Variants in HMGXB3 observed in about 807,000 individuals in gnomAD.
HMGXB3 encodes the protein HMG-box containing 3.
Under a neutral mutation model 121.5 loss-of-function variants are expected in HMGXB3, and 45 were observed. That is an observed-to-expected ratio of 0.37 (90% CI 0.29 to 0.47). HMGXB3 has a LOEUF of 0.47. Ranked by LOEUF, HMGXB3 falls within the 20% of genes least tolerant of loss-of-function variation. The probability of loss-of-function intolerance (pLI) is 0.99; values close to 1 mark genes in which losing one functional copy is unlikely to be tolerated. For missense variants in HMGXB3, 1,376 were observed against 1,602.2 expected (o/e 0.86, Z 2.41); for synonymous variants, 590 against 624.1 (o/e 0.95, Z 0.81).
chr5:150,051,749 G>A lies in HMGXB3; in HGVS notation c.3436G>A (p.Asp1146Asn). 6.5e-7 allele frequency: 1 copy of A among 1,532,996 alleles called. No homozygotes were observed. The highest frequency in any genetic ancestry group is 1.2e-5 in the South Asian group (1 of 83,764). The allele number at this position is 1,532,996 out of a possible 1,614,324, so 95.0% of individuals were successfully genotyped here. The change falls in exon 20 of 20, where the codon GAC becomes AAC. Residue 1146 changes from aspartate to asparagine, a missense_variant. Asp to Asn is a conservative substitution (Grantham distance 23). This residue lies in a region of HMGXB3 where 260 missense variants were observed against 233.2 expected (regional missense o/e 1.11). Transcript: ENST00000502717. ...PVSVSCPELLDQHYTVDMTET... is the reference protein window; with the variant it reads ...PVSVSCPELLNQHYTVDMTET... The stretch of plus-strand genomic sequence containing the variant: ...GAGTGTGTCCTGCCCAGAGCTCTTG[G>A]ACCAGCATTATACTGTGGACATGAC...
Position 150,035,382 on chromosome 5 carries a change from T to C in HMGXB3, c.1984-1254T>C, listed in dbSNP as rs141133024. 9.2e-5 allele frequency among the ~76,000 whole-genome samples: 14 copies of C among 152,296 alleles called. No individual in the cohort carries two copies. In the East Asian group the frequency reaches 1.7e-3, roughly 19 times the overall value. The stretch of plus-strand genomic sequence containing the variant: ...CACCTCCCTTGCTCCTGCCCCACGA[T>C]AATCTACTCATGAGGGATCTGCCCC... On this transcript the variant is annotated intron_variant, in intron 11 of 19. Coordinates refer to ENST00000502717, the MANE Select transcript of HMGXB3 (RefSeq NM_014983.3).
At chr5:150,043,599 T>A (rs1309696688) in intron 15 of HMGXB3, among the ~76,000 whole-genome samples, 1 of 152,258 alleles carries the variant, frequency 6.6e-6, no homozygotes, top group Non-Finnish European at 1.5e-5. Flanking sequence ...TGTTATCTCA[T>A]CTAGAGGCTG....
In HMGXB3 at chr5:150,041,796, A is replaced by T; in HGVS notation, c.2557A>T (p.Thr853Ser). Residue 853 changes from threonine to serine, a missense_variant, in exon 15 of 20, where the codon ACC becomes TCC. Around this residue, in one of 2 missense-constraint regions of HMGXB3, gnomAD observed 1,116 missense variants for 1,369.0 expected, o/e 0.82. Transcript: ENST00000502717. ...TGCTCTTCTTTCAGAGAAGACTCTG[A>T]CCTCGGAGGAGCTGAGCCAGCTGCA... is the stretch of plus-strand genomic sequence containing the variant. ...SVQEQTEKTL[T>S]SEELSQLQEL... 1.3e-6 allele frequency: 2 copies of T among 1,551,182 alleles called. No individual in the cohort carries two copies. The highest frequency in any genetic ancestry group is 1.7e-6 in the Non-Finnish European group (2 of 1,146,738).
chr5:150,051,102 C>T (rs906571268), intron 19 of HMGXB3, among the ~76,000 whole-genome samples: 6 of 152,182 alleles, frequency 3.9e-5, no homozygotes, highest in Admixed American at 3.3e-4. Context: ...GAAGCTAAGG[C>T]CCAGAGGAGG....
chr5:150,007,981 G>A (rs922335141), intron 3 of HMGXB3, among the ~76,000 whole-genome samples: 2 of 151,774 alleles, frequency 1.3e-5, no homozygotes, highest in African/African-American at 4.8e-5. Flanking sequence ...CACTTGAGCC[G>A]GGGAAGTGGA....
chr5:150,045,054 T>C (rs1756724654), intron 15 of HMGXB3, among the ~76,000 whole-genome samples: 1 of 152,214 alleles, frequency 6.6e-6, no homozygotes, highest in African/African-American at 2.4e-5. Flanking sequence ...GAACTAGACC[T>C]GTGTTGACGT....
At chr5:150,004,786 C>G in intron 1 of HMGXB3, 65 bp from the exon 2 acceptor site, 1 of 1,122,804 alleles carries the variant, frequency 8.9e-7, no homozygotes, top group Non-Finnish European at 1.3e-6. Flanking sequence ...GTTATTTGAT[C>G]AGGAAGCTGC....
At position 150,052,468 on chromosome 5, in the gene HMGXB3, G is replaced by A; in HGVS notation, c.*276G>A. ...ATGTTTAATGGAGGGGAGGCTGAGG[G>A]AAAGGCTCGTAGCTGGTGGGTTCCG... On this transcript the variant is annotated 3_prime_UTR_variant, in exon 20 of 20. Transcript: ENST00000502717. The A allele has an allele frequency of 2.3e-6, 1 of 434,864 alleles. No homozygotes were observed. Among genetic ancestry groups the A allele is most frequent in the Non-Finnish European group, 4.2e-6 (1 of 239,098 alleles). 26.9% of individuals were successfully genotyped at this position (434,864 alleles called of 1,614,324 possible).
Position 150,052,205 on chromosome 5 carries a change from T to C in HMGXB3, c.*13T>C, listed in dbSNP as rs1424028392. The C allele has an allele frequency of 2.4e-5, 36 of 1,515,866 alleles. No homozygotes were observed. The highest frequency in any genetic ancestry group is 5.9e-5 in the Admixed American group (3 of 50,628). The allele number at this position is 1,515,866 out of a possible 1,614,324, so 93.9% of individuals were successfully genotyped here. A position where few individuals can be genotyped will look rare whatever the true frequency, so the allele number is the denominator to read the frequency against. ...AGTGGCAGAATAAGCCAGGCTGTTG[T>C]ACAGGGACTACACCATCTCTCAAGC... is the stretch of plus-strand genomic sequence containing the variant. On this transcript the variant is annotated 3_prime_UTR_variant, in exon 20 of 20. Coordinates refer to ENST00000502717, the MANE Select transcript of HMGXB3 (RefSeq NM_014983.3).
chr5:150,013,475 G>GCAAAA (rs1360438513), intron 5 of HMGXB3, among the ~76,000 whole-genome samples: 14 of 152,166 alleles, frequency 9.2e-5, no homozygotes, highest in Admixed American at 2.0e-4. Context: ...GATTTCATTT[G>GCAAAA]CTAAAAAGTT....
chr5:150,042,556 G>A (rs1049679328), intron 15 of HMGXB3, among the ~76,000 whole-genome samples: 1 of 141,758 alleles, frequency 7.1e-6, no homozygotes, highest in African/African-American at 2.5e-5. Flanking sequence ...GGCTTGCTGG[G>A]TATGATTGAG....
rs1343512251 is a variant in HMGXB3, at chr5:150,051,982, C to T, written c.3669C>T (p.Asp1223=). Residue 1223 remains aspartate (D), a synonymous_variant, in exon 20 of 20, where the codon GAC becomes GAT. Transcript: ENST00000502717. ...TCCGCCAGCGGCCCATTGCCTTCGA[C>T]AATGCCACTCACTATTACCTCTACA... ...NGVRQRPIAF[D]NATHYYLYNR... The T allele has an allele frequency of 6.4e-7, 1 of 1,552,124 alleles. No individual in the cohort carries two copies. The highest frequency in any genetic ancestry group is 8.7e-7 in the Non-Finnish European group (1 of 1,147,120).
At chr5:150,022,210 T>C (rs545732786) in intron 6 of HMGXB3, among the ~76,000 whole-genome samples, 34 of 152,356 alleles carry the variant, frequency 2.2e-4, no homozygotes, top group African/African-American at 8.2e-4. Flanking sequence ...TAATAAGATT[T>C]CTTGAATTCT....
intron 11 of HMGXB3, among the ~76,000 whole-genome samples, chr5:150,034,237 AT>A (rs1380353322): frequency 1.3e-5 from 2 of 152,176 alleles, no homozygotes; most frequent in African/African-American, 2.4e-5. Context: ...TCTTCTTGCC[AT>A]AGCATTGATC....
chr5:150,032,484 G>C lies in HMGXB3; in HGVS notation c.1864G>C (p.Gly622Arg). 6.4e-7 allele frequency: 1 copy of C among 1,551,660 alleles called. No individual in the cohort carries two copies. Among genetic ancestry groups the C allele is most frequent in the Non-Finnish European group, 8.7e-7 (1 of 1,146,954 alleles). Residue 622 changes from glycine (G) to arginine (R), a missense_variant, in exon 11 of 20, where the codon GGA becomes CGA. Around this residue, in one of 2 missense-constraint regions of HMGXB3, gnomAD observed 1,116 missense variants for 1,369.0 expected, o/e 0.82. Transcript: ENST00000502717. ...GGGCCTGGCTACATCAAGAGGCCGG[G>C]GAAAGTGCAAGAATCCCTCTTGTAG... ...DLGLATSRGR[G>R]KCKNPSCSYV...
chr5:150,033,894 G>C (rs1756439463), intron 11 of HMGXB3, among the ~76,000 whole-genome samples: 1 of 152,130 alleles, frequency 6.6e-6, no homozygotes, highest in South Asian at 2.1e-4. Context: ...GTCCTTGTGA[G>C]AAAGGAAAGT....
At chr5:150,018,103 G>A (rs1756000204) in intron 5 of HMGXB3, among the ~76,000 whole-genome samples, 2 of 152,176 alleles carry the variant, frequency 1.3e-5, no homozygotes, top group Admixed American at 1.3e-4. Flanking sequence ...AGAGCCAGAG[G>A]GTGCAGCTGG....
chr5:150,036,879 G>A lies in HMGXB3; in HGVS notation c.2227G>A (p.Glu743Lys). 6.4e-7 allele frequency: 1 copy of A among 1,551,686 alleles called. No homozygotes were observed. The highest frequency in any genetic ancestry group is 8.7e-7 in the Non-Finnish European group (1 of 1,146,998). The change falls in exon 12 of 20, where the codon GAG becomes AAG. Residue 743 changes from glutamate to lysine, a missense_variant. By Grantham distance (56) the Glu-to-Lys change is moderately conservative (BLOSUM62 1). Around this residue, in one of 2 missense-constraint regions of HMGXB3, gnomAD observed 1,116 missense variants for 1,369.0 expected, o/e 0.82. Coordinates refer to ENST00000502717, the MANE Select transcript of HMGXB3 (RefSeq NM_014983.3). ...GCAAACCTCTTGGTCGAATTATTAT[G>A]AGTCTCCGTCCACGCAGTGCCTTCT... ...IEQTSWSNYY[E>K]SPSTQCLLCS...
chr5:150,009,243 T>A (rs911771861), intron 3 of HMGXB3, among the ~76,000 whole-genome samples: 2 of 152,232 alleles, frequency 1.3e-5, no homozygotes, highest in Admixed American at 1.3e-4. Context: ...GTCCCAGCTT[T>A]ACTGTTTACT....
Sources: allele counts gnomAD v4.1 joint callset (sites outside exome capture counted in the v4.1 genomes callset), GRCh38; gene constraint gnomAD v4.1.1; regional missense constraint gnomAD v4.1.1; transcripts MANE v1.5; gene names NCBI Gene and HGNC (gene_info 2026-07-23, HGNC 2026-07-21).